The following SOX5 variants were observed in gnomAD, a reference collection of about 807,000 sequenced individuals.
SOX5 encodes SRY-box transcription factor 5, also known as transcription factor SOX-5.
In SOX5, 9 loss-of-function variants were observed where a neutral mutation model predicts 92.0. That is an observed-to-expected ratio of 0.10 (90% confidence interval 0.06 to 0.17). The LOEUF is 0.17. SOX5 is among the 10% of genes least tolerant of loss of function. SOX5 has a pLI of 1.00. For synonymous variants in SOX5, 344 were observed against 336.3 expected (o/e 1.02, Z -0.25); for missense variants, 642 against 944.5 (o/e 0.68, Z 4.20).
intron 6 of SOX5, among the ~76,000 whole-genome samples, chr12:23,728,901 A>G (rs2093277319): frequency 1.3e-5 from 2 of 152,208 alleles, no homozygotes; most frequent in African/African-American, 2.4e-5. Flanking sequence ...ACTTAGTTTT[A>G]GTTTACAAAT....
chr12:24,480,620 A>C (rs974130266), intron 1 of SOX5, among the ~76,000 whole-genome samples: 3 of 152,238 alleles, frequency 2.0e-5, no homozygotes, highest in Non-Finnish European at 2.9e-5. Flanking sequence ...ACACTTCTCA[A>C]AAAAAGACAT....
chr12:24,072,519 C>T (rs779742583), intron 4 of SOX5, among the ~76,000 whole-genome samples: 1 of 152,192 alleles, frequency 6.6e-6, no homozygotes, highest in Non-Finnish European at 1.5e-5. Flanking sequence ...TTTGAGAAAT[C>T]ATCCACTGCA....
At chr12:24,044,617 CT>C (rs1387741638) in intron 4 of SOX5, among the ~76,000 whole-genome samples, 1 of 152,146 alleles carries the variant, frequency 6.6e-6, no homozygotes, top group Non-Finnish European at 1.5e-5. Context: ...GTATTTTATC[CT>C]ATTGAGTTAA....
At chr12:24,490,218 A>G (rs879349582) in intron 1 of SOX5, among the ~76,000 whole-genome samples, 5 of 152,358 alleles carry the variant, frequency 3.3e-5, no homozygotes, top group Admixed American at 3.3e-4. Flanking sequence ...CATTATGCAG[A>G]GCAAGAAAAG....
Position 23,792,622 on chromosome 12 carries a change from C to CAAAAAAAAAAAAAAAAA in SOX5, c.482-36915_482-36899dup, listed in dbSNP as rs749845598. On this transcript the variant is annotated intron_variant, in intron 3 of 14. Coordinates refer to ENST00000451604, the MANE Select transcript of SOX5 (RefSeq NM_006940.6). ...TGGGCAATAGAGTGAGGCTCTGTCT[C>CAAAAAAAAAAAAAAAAA]AAAAAAAAAAAAAAAAAAAAAAAAA... 2.1e-4 allele frequency among the ~76,000 whole-genome samples: 8 copies of CAAAAAAAAAAAAAAAAA among 38,964 alleles called. 1 individual carries two copies. Among genetic ancestry groups the CAAAAAAAAAAAAAAAAA allele is most frequent in the East Asian group, 1.2e-3 (1 of 806 alleles). The allele number at this position is 38,964 out of a possible 152,430, so 25.6% of individuals were successfully genotyped here.
chr12:24,010,662 C>T (rs1035510684), intron 4 of SOX5, among the ~76,000 whole-genome samples: 1 of 152,160 alleles, frequency 6.6e-6, no homozygotes, highest in Non-Finnish European at 1.5e-5. Flanking sequence ...AGGCCGGGTG[C>T]TGTGGCTCAT....
chr12:23,534,023 T>C lies in SOX5; in HGVS notation c.*196A>G, dbSNP rs1249427155. 3.7e-6 allele frequency: 2 copies of C among 535,234 alleles called. No individual in the cohort carries two copies. Among genetic ancestry groups the C allele is most frequent in the African/African-American group, 3.8e-5 (2 of 52,948 alleles). The allele number at this position is 535,234 out of a possible 1,614,324, so 33.2% of individuals were successfully genotyped here. On this transcript the variant is annotated 3_prime_UTR_variant, in exon 15 of 15. Transcript: ENST00000451604. ...ATCTCTTGTTGTTGATATTGTTGTTTGCTTGTTGTATTTGTTTTTTCTTTC... is the reference window on the plus strand; with the variant it reads ...ATCTCTTGTTGTTGATATTGTTGTTCGCTTGTTGTATTTGTTTTTTCTTTC...
intron 4 of SOX5, among the ~76,000 whole-genome samples, chr12:23,964,903 G>A (rs1947362438): frequency 6.6e-6 from 1 of 152,186 alleles, no homozygotes; most frequent in Admixed American, 6.5e-5. Context: ...AAAAGTTGAT[G>A]GGCTAGGCTT....
intron 3 of SOX5, among the ~76,000 whole-genome samples, chr12:24,245,130 C>T (rs961807615): frequency 6.6e-6 from 1 of 152,082 alleles, no homozygotes; most frequent in Non-Finnish European, 1.5e-5. Flanking sequence ...ATCATAGTCA[C>T]AATTTTATAT....
chr12:24,497,332 C>A (rs2138068694), intron 1 of SOX5, among the ~76,000 whole-genome samples: 1 of 152,248 alleles, frequency 6.6e-6, no homozygotes, highest in South Asian at 2.1e-4. Flanking sequence ...TGAGTTTCAC[C>A]TTATTAACTG....
intron 4 of SOX5, among the ~76,000 whole-genome samples, chr12:24,088,967 C>T (rs1206859857): frequency 6.6e-6 from 1 of 151,928 alleles, no homozygotes; most frequent in Non-Finnish European, 1.5e-5. Flanking sequence ...CAGGATATTC[C>T]ACTATTGATG....
intron 1 of SOX5, among the ~76,000 whole-genome samples, chr12:24,478,162 G>A (rs1303049541): frequency 6.6e-6 from 1 of 152,130 alleles, no homozygotes; most frequent in Non-Finnish European, 1.5e-5. Context: ...TACTACTGAA[G>A]TGTGAGAATT....
intron 2 of SOX5, among the ~76,000 whole-genome samples, chr12:23,883,231 G>A (rs1050972511): frequency 8.6e-5 from 13 of 150,780 alleles, no homozygotes; most frequent in Non-Finnish European, 1.6e-4. Flanking sequence ...TATCCCAATA[G>A]AACCACAGAG....
At chr12:23,726,106 T>C (rs2093098474) in intron 6 of SOX5, among the ~76,000 whole-genome samples, 3 of 139,420 alleles carry the variant, frequency 2.2e-5, no homozygotes, top group Non-Finnish European at 3.1e-5. Context: ...TGGTGTTAAA[T>C]ACATACATCC....
upstream of SOX5, chr12:23,951,121 G>A (rs1945565603): frequency 2.1e-6 from 1 of 481,874 alleles, no homozygotes; most frequent in Admixed American, 3.2e-5. Context: ...ATTGTTGAGA[G>A]GGCAGGTCAG....
chr12:24,054,376 A>G (rs1183563532), intron 4 of SOX5, among the ~76,000 whole-genome samples: 1 of 152,218 alleles, frequency 6.6e-6, no homozygotes, highest in Non-Finnish European at 1.5e-5. Flanking sequence ...AGATCTAGCT[A>G]CTAAAAATCA....
chr12:24,526,279 T>C (rs1950702905), intron 1 of SOX5, among the ~76,000 whole-genome samples: 1 of 151,518 alleles, frequency 6.6e-6, no homozygotes, highest in Non-Finnish European at 1.5e-5. Flanking sequence ...ATGGAAAAAA[T>C]AACAAGTTAG....
chr12:23,991,024 C>CA (rs1439989940), intron 4 of SOX5, among the ~76,000 whole-genome samples: 1 of 149,368 alleles, frequency 6.7e-6, no homozygotes. Flanking sequence ...TCCTAGAGGC[C>CA]AAATGAGCTT....
chr12:23,996,526 A>G (rs186671236), intron 4 of SOX5, among the ~76,000 whole-genome samples: 1 of 152,348 alleles, frequency 6.6e-6, no homozygotes, highest in East Asian at 1.9e-4. Context: ...AAGCAGCACT[A>G]TTCATAATAG....
Sources: allele counts gnomAD v4.1 joint callset (sites outside exome capture counted in the v4.1 genomes callset), GRCh38; gene constraint gnomAD v4.1.1; transcripts MANE v1.5; gene names NCBI Gene and HGNC (gene_info 2026-07-23, HGNC 2026-07-21).